The following NEDD4 variants were observed in gnomAD, a reference collection of about 807,000 sequenced individuals.
The protein encoded by NEDD4 is E3 ubiquitin-protein ligase NEDD4.
NEDD4 carries 99 observed loss-of-function variants against 144.9 expected under a neutral mutation model. That is an observed-to-expected ratio of 0.68 (90% CI 0.58 to 0.81). The LOEUF (loss-of-function observed/expected upper bound fraction) is 0.81, where lower values mean the gene tolerates loss of function less well. Among genes scored for constraint, NEDD4 ranks in the 30% least tolerant of loss-of-function variants. NEDD4 has a pLI of 0.00. For missense variants in NEDD4, 985 were observed against 1,065.9 expected (o/e 0.92, Z 1.06); for synonymous variants, 318 against 350.6 (o/e 0.91, Z 1.04).
intron 17 of NEDD4, among the ~76,000 whole-genome samples, chr15:55,848,094 A>G (rs1475922865): frequency 4.6e-5 from 7 of 152,260 alleles, no homozygotes; most frequent in African/African-American, 1.7e-4. Context: ...TTGTTCAGAC[A>G]GTGGGAGGCA....
rs148350620 is a variant in NEDD4 at position 55,993,073 on chromosome 15, A to C, written c.45+438T>G. On this transcript the variant is annotated intron_variant, in intron 1 of 28. Transcript: ENST00000435532. Reference sequence around the variant, plus strand: ...TGGAACTCTCCAGACCGAAGTCCGTAAAGTTAAGTCGGCCCGGCCTCCGCC... The same window carrying C: ...TGGAACTCTCCAGACCGAAGTCCGTCAAGTTAAGTCGGCCCGGCCTCCGCC... Among the ~76,000 whole-genome samples the C allele has an allele frequency of 1.2e-4, 18 of 152,352 alleles. No homozygotes were observed. The East Asian group carries it at 3.3e-3, about 28-fold the overall frequency.
chr15:55,973,401 A>G (rs1363790070), intron 1 of NEDD4, among the ~76,000 whole-genome samples: 1 of 151,692 alleles, frequency 6.6e-6, no homozygotes, highest in Non-Finnish European at 1.5e-5. Flanking sequence ...ACAACAACAA[A>G]AAAACAGGCA....
chr15:55,915,746 T>A (rs753990240), intron 5 of NEDD4: 2 of 1,613,910 alleles, frequency 1.2e-6, no homozygotes, highest in Non-Finnish European at 1.7e-6. Context: ...AGACAGTCTG[T>A]CTGGGAGTAT....
At chr15:55,938,823 C>G (rs2036941159) in intron 4 of NEDD4, among the ~76,000 whole-genome samples, 1 of 151,338 alleles carries the variant, frequency 6.6e-6, no homozygotes, top group African/African-American at 2.4e-5. Context: ...ATAAAATAAA[C>G]TCCCAGGCAC....
chr15:55,930,946 T>A (rs1364188606), intron 4 of NEDD4, among the ~76,000 whole-genome samples: 1 of 152,134 alleles, frequency 6.6e-6, no homozygotes, highest in Non-Finnish European at 1.5e-5. Context: ...ACTAGCAGCA[T>A]CAGAATGGAC....
intron 5 of NEDD4, among the ~76,000 whole-genome samples, chr15:55,886,762 A>G (rs1259413520): frequency 2.0e-5 from 3 of 151,962 alleles, no homozygotes; most frequent in African/African-American, 7.2e-5. Flanking sequence ...CGTCTCAAAA[A>G]AAAAAAAAAA....
chr15:55,905,104 A>G, intron 5 of NEDD4: 1 of 318,022 alleles, frequency 3.1e-6, no homozygotes, highest in South Asian at 2.5e-5. Flanking sequence ...AAAAAAAAAA[A>G]AAGAAAAGAA....
intron 4 of NEDD4, among the ~76,000 whole-genome samples, chr15:55,947,265 A>T (rs1351916358): frequency 6.6e-6 from 1 of 152,200 alleles, no homozygotes; most frequent in Non-Finnish European, 1.5e-5. Flanking sequence ...CGCTACCAAG[A>T]CTAATAAAGA....
In NEDD4 at chr15:55,830,545, T is replaced by C; in HGVS notation, c.2569A>G (p.Thr857Ala). 2 of 1,614,062 alleles carry C rather than the reference T, an allele frequency of 1.2e-6. No individual in the cohort carries two copies. Among genetic ancestry groups the C allele is most frequent in the Non-Finnish European group, 1.7e-6 (2 of 1,179,962 alleles). The change falls in exon 28 of 29, where the codon ACT (threonine) becomes GCT (alanine). Residue 857 changes from threonine (T) to alanine (A), a missense_variant. Coordinates refer to ENST00000435532, the MANE Select transcript of NEDD4 (RefSeq NM_006154.4). ...TGAGCTCTTGGCAGCTTTTCAGGAG[T>C]ACCCCACTGTTCAACTGTAAATGAC... ...PQSFTVEQWGTPEKLPRAHTC... is the reference protein window; with the variant it reads ...PQSFTVEQWGAPEKLPRAHTC...
At chr15:55,879,437 T>G (rs1438661929) in intron 5 of NEDD4, among the ~76,000 whole-genome samples, 1 of 152,162 alleles carries the variant, frequency 6.6e-6, no homozygotes, top group Admixed American at 6.5e-5. Flanking sequence ...ATAAAATGAC[T>G]AATTCTCTCT....
At chr15:55,905,495 G>T (rs1173659038) in intron 5 of NEDD4, among the ~76,000 whole-genome samples, 1 of 152,116 alleles carries the variant, frequency 6.6e-6, no homozygotes, top group African/African-American at 2.4e-5. Context: ...GTATTAAAGA[G>T]AAATAACAAT....
chr15:55,874,120 G>A lies in NEDD4; in HGVS notation c.292-112C>T, dbSNP rs1206740861. 2.1e-5 allele frequency: 11 copies of A among 534,076 alleles called. No homozygotes were observed. The South Asian group carries it at 3.9e-4, about 19-fold the overall frequency. 33.1% of individuals were successfully genotyped at this position (534,076 alleles called of 1,614,324 possible). A position where few individuals can be genotyped will look rare whatever the true frequency, so the allele number is the denominator to read the frequency against. On this transcript the variant is annotated intron_variant, in intron 5 of 28. Coordinates refer to ENST00000435532, the MANE Select transcript of NEDD4 (RefSeq NM_006154.4). The stretch of plus-strand genomic sequence containing the variant: ...AAATGTAGAGTTTTTTTTTTATTCA[G>A]TCATATGCAGCATCAATGGAAAATA...
At chr15:55,948,099 C>A (rs1478850031) in intron 4 of NEDD4, among the ~76,000 whole-genome samples, 7 of 152,214 alleles carry the variant, frequency 4.6e-5, no homozygotes, top group Non-Finnish European at 8.8e-5. Flanking sequence ...GCAACTTCAG[C>A]AAAGTCTCAG....
chr15:55,944,511 C>A (rs1201856260), intron 4 of NEDD4, among the ~76,000 whole-genome samples: 1 of 152,246 alleles, frequency 6.6e-6, no homozygotes, highest in Non-Finnish European at 1.5e-5. Flanking sequence ...GAGCCCACCT[C>A]AGCTCATCAA....
chr15:55,866,616 C>A (rs549580184), intron 8 of NEDD4, among the ~76,000 whole-genome samples: 1 of 152,158 alleles, frequency 6.6e-6, no homozygotes, highest in Non-Finnish European at 1.5e-5. Context: ...AAAAATAGTG[C>A]TAGAAAAATG....
chr15:55,971,644 A>C (rs1449247088), intron 1 of NEDD4, among the ~76,000 whole-genome samples: 1 of 151,640 alleles, frequency 6.6e-6, no homozygotes. Flanking sequence ...AAAAAGACTT[A>C]TTAGCTTTAA....
chr15:55,905,701 T>C (rs2036067527), intron 5 of NEDD4, among the ~76,000 whole-genome samples: 1 of 152,234 alleles, frequency 6.6e-6, no homozygotes, highest in Admixed American at 6.5e-5. Flanking sequence ...TTTTATATCC[T>C]TCGCCCACTT....
At chr15:55,855,649 G>T (rs983596718) in intron 12 of NEDD4, among the ~76,000 whole-genome samples, 5 of 152,206 alleles carry the variant, frequency 3.3e-5, no homozygotes, top group African/African-American at 1.2e-4. Context: ...GGCCTTAGTA[G>T]ACTGGTGGAT....
At chr15:55,833,751 C>G (rs988586086) in intron 26 of NEDD4, among the ~76,000 whole-genome samples, 1 of 152,032 alleles carries the variant, frequency 6.6e-6, no homozygotes, top group East Asian at 1.9e-4. Context: ...CTAGGAATAC[C>G]CTGCAGGTTA....
Sources: allele counts gnomAD v4.1 joint callset (sites outside exome capture counted in the v4.1 genomes callset), GRCh38; gene constraint gnomAD v4.1.1; transcripts MANE v1.5; gene names NCBI Gene and HGNC (gene_info 2026-07-23, HGNC 2026-07-21).